Variants in MAP4K5 observed in about 807,000 individuals in gnomAD.
MAP4K5 encodes mitogen-activated protein kinase kinase kinase kinase 5, also known as MAPK/ERK kinase kinase kinase 5.
In MAP4K5, 82 loss-of-function variants were observed where a neutral mutation model predicts 135.6. The observed-to-expected ratio is 0.60, with a 90% CI of 0.51 to 0.73. MAP4K5 has a LOEUF of 0.73. MAP4K5 is among the 30% of genes least tolerant of loss of function. MAP4K5 has a pLI of 0.00. For synonymous variants in MAP4K5, 347 were observed against 335.0 expected (o/e 1.04, Z -0.39); for missense variants, 907 against 1,010.9 (o/e 0.90, Z 1.39).
intron 1 of MAP4K5, among the ~76,000 whole-genome samples, chr14:50,543,995 G>T (rs1160775435): frequency 6.6e-6 from 1 of 152,176 alleles, no homozygotes; most frequent in African/African-American, 2.4e-5. Context: ...AGAGAAGGGG[G>T]TCATTGTACT....
At chr14:50,545,836 A>C (rs1252061735) in intron 1 of MAP4K5, among the ~76,000 whole-genome samples, 2 of 152,246 alleles carry the variant, frequency 1.3e-5, no homozygotes, top group African/African-American at 4.8e-5. Context: ...CCAGCTGGTT[A>C]CATATTATGA....
In MAP4K5 at chr14:50,419,108, C is replaced by T. The variant is rs985288678; in HGVS notation, c.*911G>A. 6.6e-6 allele frequency: 1 copy of T among 152,066 alleles called. No individual in the cohort carries two copies. The highest frequency in any genetic ancestry group is 1.5e-5 in the Non-Finnish European group (1 of 67,986). The allele number at this position is 152,066 out of a possible 1,614,324, so 9.4% of individuals were successfully genotyped here. ...AATACATATCATGGGCAATTAAATACTTCCCCCTGCTACATTAGGGATGAT... is the reference window on the plus strand; with the variant it reads ...AATACATATCATGGGCAATTAAATATTTCCCCCTGCTACATTAGGGATGAT... On this transcript the variant is annotated 3_prime_UTR_variant, in exon 33 of 33. Transcript: ENST00000682126.
chr14:50,440,977 G>C (rs779698039), intron 21 of MAP4K5, among the ~76,000 whole-genome samples: 1 of 152,136 alleles, frequency 6.6e-6, no homozygotes, highest in Non-Finnish European at 1.5e-5. Flanking sequence ...AAAAAATGAT[G>C]AGGACATTTC....
Position 50,434,489 on chromosome 14 carries a change from A to G in MAP4K5, c.2069T>C (p.Val690Ala). The stretch of plus-strand genomic sequence containing the variant: ...CGATTCAGTGCCTTTGCTAATAGCT[A>G]CACAGACCATAGGGTATTCCTGTTC... The part of the protein sequence containing the change: ...IPEQEYPMVC[V>A]AISKGTESNQ... The change falls in exon 28 of 33, where the codon GTA (valine) becomes GCA (alanine). Residue 690 changes from valine to alanine, a missense_variant. By Grantham distance (64) the Val-to-Ala change is moderately conservative. Around this residue, in one of 3 missense-constraint regions of MAP4K5, gnomAD observed 690 missense variants for 777.4 expected, o/e 0.89. Coordinates refer to ENST00000682126, the MANE Select transcript of MAP4K5 (RefSeq NM_006575.6). 1.2e-6 allele frequency: 2 copies of G among 1,608,228 alleles called. No homozygotes were observed. The highest frequency in any genetic ancestry group is 1.7e-6 in the Non-Finnish European group (2 of 1,177,138).
At chr14:50,479,668 G>GT (rs1221287148) in intron 6 of MAP4K5, among the ~76,000 whole-genome samples, 6 of 152,080 alleles carry the variant, frequency 3.9e-5, no homozygotes, top group African/African-American at 1.4e-4. Context: ...GTCAGTGTGG[G>GT]TTGGTTTTAC....
chr14:50,447,993 T>G (rs546685341), intron 15 of MAP4K5, among the ~76,000 whole-genome samples: 110 of 150,178 alleles, frequency 7.3e-4, no homozygotes, highest in Non-Finnish European at 1.4e-3. Flanking sequence ...CTTGCTTCAT[T>G]ACTTTTTTCT....
At position 50,542,006 on chromosome 14, in the gene MAP4K5, C is replaced by CAAA. The variant is rs59075218; in HGVS notation, c.-94+490_-94+492dup. On this transcript the variant is annotated intron_variant, in intron 2 of 8. Coordinates refer to the MAP4K5 transcript ENST00000555216. ...TGGGCGACAGAGCGAGATTCCGTCTCAAAAAAAAAAAAAAAAAAAAAAAAA... is the reference window on the plus strand; with the variant it reads ...TGGGCGACAGAGCGAGATTCCGTCTCAAAAAAAAAAAAAAAAAAAAAAAAAAAA... Among the ~76,000 whole-genome samples, 34 of 62,462 alleles carry CAAA rather than the reference C, an allele frequency of 5.4e-4. 1 individual carries two copies. Among genetic ancestry groups the CAAA allele is most frequent in the African/African-American group, 7.9e-4 (10 of 12,630 alleles). The allele number at this position is 62,462 out of a possible 152,430, so 41.0% of individuals were successfully genotyped here.
chr14:50,526,071 C>T (rs986674175), intron 2 of MAP4K5, among the ~76,000 whole-genome samples: 4 of 152,180 alleles, frequency 2.6e-5, no homozygotes, highest in Non-Finnish European at 5.9e-5. Context: ...CAGGTGTTTG[C>T]ACATACTATA....
intron 2 of MAP4K5, among the ~76,000 whole-genome samples, chr14:50,514,066 GTTA>G (rs2037982532): frequency 6.6e-6 from 1 of 152,078 alleles, no homozygotes; most frequent in African/African-American, 2.4e-5. Context: ...TGCTTTCTCT[GTTA>G]TTGTTTTGTT....
intron 16 of MAP4K5, among the ~76,000 whole-genome samples, chr14:50,447,130 TG>T (rs2036372254): frequency 6.6e-6 from 1 of 152,176 alleles, no homozygotes; most frequent in African/African-American, 2.4e-5. Context: ...AGAGATGAAC[TG>T]GGGCTTTTTA....
chr14:50,433,159 C>A (rs902251590), intron 28 of MAP4K5, among the ~76,000 whole-genome samples: 1 of 152,116 alleles, frequency 6.6e-6, no homozygotes, highest in Admixed American at 6.5e-5. Flanking sequence ...TCTATTTGGG[C>A]AGTTTATATC....
At position 50,447,431 on chromosome 14, in the gene MAP4K5, A is replaced by G; in HGVS notation, c.1125T>C (p.Asp375=). 2 of 1,550,334 alleles carry G rather than the reference A, an allele frequency of 1.3e-6. No individual in the cohort carries two copies. The highest frequency in any genetic ancestry group is 2.4e-5 in the East Asian group (1 of 41,176). The part of the protein sequence containing the change: ...NFMLQWNPFV[D]GANTGKSTSK... The stretch of plus-strand genomic sequence containing the variant: ...CAACTTACTTGCCAGTATTTGCACC[A>G]TCAACAAAAGGATTCCACTGTAACA... Residue 375 remains aspartate (D), a synonymous_variant, in exon 16 of 33, where the codon GAT becomes GAC. Coordinates refer to ENST00000682126, the MANE Select transcript of MAP4K5 (RefSeq NM_006575.6).
At chr14:50,539,319 G>A (rs2038533012) in intron 2 of MAP4K5, among the ~76,000 whole-genome samples, 1 of 152,198 alleles carries the variant, frequency 6.6e-6, no homozygotes, top group Non-Finnish European at 1.5e-5. Flanking sequence ...TAAAATTATT[G>A]TGTCATTTGG....
intron 23 of MAP4K5, among the ~76,000 whole-genome samples, chr14:50,439,374 C>T (rs1415355734): frequency 2.0e-5 from 3 of 148,740 alleles, no homozygotes; most frequent in Admixed American, 6.7e-5. Context: ...CCTACCCACC[C>T]GTTCACCCCT....
intron 11 of MAP4K5, among the ~76,000 whole-genome samples, chr14:50,464,979 T>G (rs952586776): frequency 6.6e-6 from 1 of 152,152 alleles, no homozygotes; most frequent in Non-Finnish European, 1.5e-5. Context: ...TATCAGTCAT[T>G]CCTGCCGTAA....
In MAP4K5 at chr14:50,531,978, C is replaced by G. The variant is rs2038402021; in HGVS notation, c.72G>C (p.Gln24His). 6.2e-7 allele frequency: 1 copy of G among 1,604,832 alleles called. No homozygotes were observed. The highest frequency in any genetic ancestry group is 8.5e-7 in the Non-Finnish European group (1 of 1,176,008). ...CCCCGTAGGTGCCGCTGCCGACCCT[C>G]TGGACGAGTTCGTAGTCCTGCTGCG... ...RNPQQDYELV[Q>H]RVGSGTYGDV... Residue 24 changes from glutamine to histidine, a missense_variant, in exon 2 of 33, where the codon CAG (glutamine) becomes CAC (histidine). This residue lies in a region of MAP4K5 where 196 missense variants were observed against 189.3 expected (regional missense o/e 1.04). Coordinates refer to ENST00000682126, the MANE Select transcript of MAP4K5 (RefSeq NM_006575.6).
chr14:50,422,648 A>G (rs568298104), intron 32 of MAP4K5, among the ~76,000 whole-genome samples: 95 of 152,154 alleles, frequency 6.2e-4, no homozygotes, highest in African/African-American at 2.1e-3. Flanking sequence ...CATTTTTTTC[A>G]TAAGATGACA....
intron 2 of MAP4K5, among the ~76,000 whole-genome samples, chr14:50,518,009 T>G (rs2038069647): frequency 6.6e-6 from 1 of 152,084 alleles, no homozygotes; most frequent in African/African-American, 2.4e-5. Context: ...ATTAGTAGAG[T>G]AACAGCAAGG....
chr14:50,489,955 G>A (rs890556240), intron 3 of MAP4K5, among the ~76,000 whole-genome samples: 12 of 152,144 alleles, frequency 7.9e-5, no homozygotes, highest in Non-Finnish European at 1.8e-4. Flanking sequence ...GAAAGTACAG[G>A]TTGTTTTTTT....
Sources: allele counts gnomAD v4.1 joint callset (sites outside exome capture counted in the v4.1 genomes callset), GRCh38; gene constraint gnomAD v4.1.1; regional missense constraint gnomAD v4.1.1; transcripts MANE v1.5; gene names NCBI Gene and HGNC (gene_info 2026-07-23, HGNC 2026-07-21).